SPMIP2: variants seen among roughly 807,000 people sequenced by gnomAD.
SPMIP2 encodes protein SPMIP2.
the SPMIP2 span, among the ~76,000 whole-genome samples, chr4:158,993,803 G>A: frequency 1.3e-5 from 2 of 152,150 alleles, no homozygotes. Flanking sequence ...CTTCTACACA[G>A]CTGCCAAGAG....
the SPMIP2 span, among the ~76,000 whole-genome samples, chr4:159,020,175 A>G: frequency 6.6e-6 from 1 of 152,026 alleles, no homozygotes; most frequent in Non-Finnish European, 1.5e-5. Flanking sequence ...TTAATAATGT[A>G]ACTAGAGACT....
At chr4:158,922,266 G>T in the SPMIP2 span, among the ~76,000 whole-genome samples, 1 of 152,088 alleles carries the variant, frequency 6.6e-6, no homozygotes, top group Non-Finnish European at 1.5e-5. Flanking sequence ...TCTGCCTTGT[G>T]TATGGCCTCC....
the SPMIP2 span, among the ~76,000 whole-genome samples, chr4:158,942,864 T>C: frequency 4.3e-4 from 65 of 152,324 alleles, no homozygotes; most frequent in African/African-American, 1.5e-3. Flanking sequence ...TGCATCCTAA[T>C]ATACTCAGGT....
the SPMIP2 span, among the ~76,000 whole-genome samples, chr4:158,909,107 A>T: frequency 2.0e-5 from 3 of 152,234 alleles, no homozygotes; most frequent in Non-Finnish European, 4.4e-5. Context: ...GTATGATATA[A>T]ATTGAGTATA....
At chr4:158,989,536 T>C in the SPMIP2 span, among the ~76,000 whole-genome samples, 4 of 152,124 alleles carry the variant, frequency 2.6e-5, no homozygotes, top group African/African-American at 4.8e-5. Flanking sequence ...AACAGATATA[T>C]AGACCGATGG....
chr4:159,080,060 TG>T, the SPMIP2 span, among the ~76,000 whole-genome samples: 1 of 152,118 alleles, frequency 6.6e-6, no homozygotes, highest in Non-Finnish European at 1.5e-5. Context: ...ATAATAATAA[TG>T]GGAAATGGGA....
chr4:158,920,821 A>T, the SPMIP2 span, among the ~76,000 whole-genome samples: 1 of 152,190 alleles, frequency 6.6e-6, no homozygotes, highest in Non-Finnish European at 1.5e-5. Flanking sequence ...CCTCAGAAGC[A>T]TGTGATCTTT....
the SPMIP2 span, among the ~76,000 whole-genome samples, chr4:158,980,133 T>C: frequency 2.3e-4 from 35 of 152,140 alleles, no homozygotes; most frequent in African/African-American, 8.2e-4. Flanking sequence ...GCAAAGCCAC[T>C]GTGGCCAGAC....
At chr4:159,062,654 C>T in the SPMIP2 span, among the ~76,000 whole-genome samples, 1 of 126,612 alleles carries the variant, frequency 7.9e-6, no homozygotes, top group Non-Finnish European at 1.7e-5. Flanking sequence ...GATCTGTTTG[C>T]CCCAAGTTCA....
chr4:158,973,405 A>G, the SPMIP2 span: 3 of 723,574 alleles, frequency 4.1e-6, 1 homozygote, highest in South Asian at 4.0e-5. Context: ...GCCAATAATT[A>G]TATGGTACTT....
At chr4:159,018,378 C>G in the SPMIP2 span, among the ~76,000 whole-genome samples, 2 of 152,190 alleles carry the variant, frequency 1.3e-5, no homozygotes, top group African/African-American at 4.8e-5. Context: ...GGAAGGGAAT[C>G]TAGGACATGT....
the SPMIP2 span, among the ~76,000 whole-genome samples, chr4:159,024,335 T>C: frequency 1.3e-5 from 2 of 152,198 alleles, no homozygotes; most frequent in Non-Finnish European, 1.5e-5. Flanking sequence ...GGGCTTTTAA[T>C]AGGCACGGTG....
At chr4:159,037,783 TATACACACACAC>T in the SPMIP2 span, among the ~76,000 whole-genome samples, 26 of 97,694 alleles carry the variant, frequency 2.7e-4, no homozygotes, top group East Asian at 6.3e-4. Context: ...AAAAACAATA[TATACACACACAC>T]ACACACACAC....
the SPMIP2 span, among the ~76,000 whole-genome samples, chr4:159,002,269 T>C: frequency 3.9e-5 from 6 of 152,236 alleles, no homozygotes; most frequent in Non-Finnish European, 7.3e-5. Flanking sequence ...TTATCAGATA[T>C]GTACCTTGCA....
chr4:158,906,555 T>G, the SPMIP2 span: 1 of 152,190 alleles, frequency 6.6e-6, no homozygotes, highest in Non-Finnish European at 1.5e-5. Context: ...CCTCAAAGCC[T>G]GAGAAAATTT....
chr4:159,053,475 G>C, the SPMIP2 span, among the ~76,000 whole-genome samples: 1 of 152,162 alleles, frequency 6.6e-6, no homozygotes, highest in Admixed American at 6.5e-5. Context: ...GGGTCCCCTA[G>C]CCATGAACCC....
chr4:158,953,241 G>A, the SPMIP2 span, among the ~76,000 whole-genome samples: 878 of 152,288 alleles, frequency 5.8e-3, 11 homozygotes, highest in African/African-American at 0.02. Context: ...CAGGGTCCCT[G>A]TGCTGTGTGC....
chr4:159,012,700 T>G, the SPMIP2 span, among the ~76,000 whole-genome samples: 1 of 151,990 alleles, frequency 6.6e-6, no homozygotes, highest in South Asian at 2.1e-4. Flanking sequence ...GCTTCCCGAG[T>G]AGCTGGGACT....
chr4:159,014,945 G>C, the SPMIP2 span, among the ~76,000 whole-genome samples: 4,129 of 152,274 alleles, frequency 0.027, 178 homozygotes, highest in African/African-American at 0.094. Flanking sequence ...TGATTTACAT[G>C]TACCTTTCCA....
Sources: allele counts gnomAD v4.1 joint callset (sites outside exome capture counted in the v4.1 genomes callset), GRCh38; gene constraint gnomAD v4.1.1; transcripts MANE v1.5; gene names NCBI Gene and HGNC (gene_info 2026-07-23, HGNC 2026-07-21).